The following KCND2 variants were observed in gnomAD, a reference collection of about 807,000 sequenced individuals.
KCND2 encodes the protein potassium voltage-gated channel subfamily D member 2, also known as A-type voltage-gated potassium channel KCND2.
Under a neutral mutation model 54.4 loss-of-function variants are expected in KCND2, and 16 were observed. That is an observed-to-expected ratio of 0.29 (90% CI 0.20 to 0.45). KCND2 has a LOEUF of 0.45. KCND2 is among the 20% of genes least tolerant of loss of function. The pLI, the probability that KCND2 is intolerant of heterozygous loss-of-function variation, is 1.00. For synonymous variants in KCND2, 317 were observed against 310.7 expected (o/e 1.02, Z -0.21); for missense variants, 486 against 824.2 (o/e 0.59, Z 5.02).
At chr7:120,738,380 C>T (rs1732637794) in intron 2 of KCND2, among the ~76,000 whole-genome samples, 3 of 151,948 alleles carry the variant, frequency 2.0e-5, no homozygotes, top group Admixed American at 2.0e-4. Context: ...TTGAGAAATC[C>T]TGCTAAGATT....
intron 1 of KCND2, among the ~76,000 whole-genome samples, chr7:120,525,780 T>G (rs1426344779): frequency 6.6e-6 from 1 of 152,222 alleles, no homozygotes; most frequent in Non-Finnish European, 1.5e-5. Flanking sequence ...AAACCTGTAA[T>G]AAATGCCCAG....
At chr7:120,489,563 T>G (rs1174145068) in intron 1 of KCND2, among the ~76,000 whole-genome samples, 2 of 152,182 alleles carry the variant, frequency 1.3e-5, no homozygotes, top group African/African-American at 4.8e-5. Context: ...ATCCTCCAAC[T>G]TGCTGACACA....
At chr7:120,581,390 A>G (rs1301857865) in intron 1 of KCND2, among the ~76,000 whole-genome samples, 1 of 152,232 alleles carries the variant, frequency 6.6e-6, no homozygotes, top group Non-Finnish European at 1.5e-5. Flanking sequence ...TAGTATGTGT[A>G]AGTGTATGCA....
At chr7:120,659,087 C>T (rs958268553) in intron 1 of KCND2, among the ~76,000 whole-genome samples, 1 of 152,030 alleles carries the variant, frequency 6.6e-6, no homozygotes, top group Non-Finnish European at 1.5e-5. Flanking sequence ...ACAAGAAAGT[C>T]CTGGGTGCCT....
At chr7:120,385,103 C>T (rs192329759) in intron 1 of KCND2, among the ~76,000 whole-genome samples, 91 of 141,870 alleles carry the variant, frequency 6.4e-4, no homozygotes, top group African/African-American at 2.1e-3. Flanking sequence ...GCCTCTCAGA[C>T]GCAAGCAATC....
intron 1 of KCND2, among the ~76,000 whole-genome samples, chr7:120,290,116 T>C (rs960426022): frequency 2.6e-5 from 4 of 152,080 alleles, no homozygotes; most frequent in African/African-American, 7.2e-5. Context: ...CCCCCACAGA[T>C]TTTTTAACAA....
At chr7:120,621,062 T>C (rs1383035665) in intron 1 of KCND2, among the ~76,000 whole-genome samples, 3 of 151,736 alleles carry the variant, frequency 2.0e-5, no homozygotes, top group Non-Finnish European at 4.4e-5. Flanking sequence ...ATCACGAGTT[T>C]AGGAGTTCGA....
chr7:120,365,003 T>TAAA (rs1278879175), intron 1 of KCND2, among the ~76,000 whole-genome samples: 1 of 152,022 alleles, frequency 6.6e-6, no homozygotes, highest in African/African-American at 2.4e-5. Context: ...AGAAAAATGT[T>TAAA]AAAATACAAA....
At chr7:120,541,800 C>G (rs1791983055) in intron 1 of KCND2, among the ~76,000 whole-genome samples, 1 of 152,118 alleles carries the variant, frequency 6.6e-6, no homozygotes, top group Non-Finnish European at 1.5e-5. Context: ...TGTCACTAAT[C>G]ATCAACTTGT....
At chr7:120,368,796 C>A (rs1430384525) in intron 1 of KCND2, among the ~76,000 whole-genome samples, 1 of 151,982 alleles carries the variant, frequency 6.6e-6, no homozygotes, top group Admixed American at 6.6e-5. Context: ...GTGAAGAAGA[C>A]TGTAATAAAG....
At chr7:120,556,032 G>A (rs1792158826) in intron 1 of KCND2, among the ~76,000 whole-genome samples, 1 of 152,130 alleles carries the variant, frequency 6.6e-6, no homozygotes, top group Non-Finnish European at 1.5e-5. Context: ...AGTAATTCTT[G>A]AATCAAACGT....
chr7:120,291,196 T>A (rs1242034886), intron 1 of KCND2, among the ~76,000 whole-genome samples: 1 of 151,876 alleles, frequency 6.6e-6, no homozygotes, highest in Non-Finnish European at 1.5e-5. Context: ...AATGAAAAAA[T>A]TATCTTTATG....
intron 1 of KCND2, among the ~76,000 whole-genome samples, chr7:120,372,586 T>C (rs1381875925): frequency 6.6e-6 from 1 of 151,934 alleles, no homozygotes; most frequent in Non-Finnish European, 1.5e-5. Flanking sequence ...AACTTTGTAT[T>C]GTATTGTAAT....
At chr7:120,364,291 A>G (rs1361342919) in intron 1 of KCND2, among the ~76,000 whole-genome samples, 1 of 152,152 alleles carries the variant, frequency 6.6e-6, no homozygotes, top group African/African-American at 2.4e-5. Context: ...CAACCATACT[A>G]TCCTAAGTGC....
At chr7:120,461,729 G>A (rs1246388524) in intron 1 of KCND2, among the ~76,000 whole-genome samples, 1 of 151,962 alleles carries the variant, frequency 6.6e-6, no homozygotes, top group East Asian at 1.9e-4. Flanking sequence ...TTGCAATGTA[G>A]AATGCTATTT....
rs143161518 is a variant in KCND2, at chr7:120,716,041, G to A, written c.1116-16862G>A. Among the ~76,000 whole-genome samples the A allele has an allele frequency of 4.4e-3, 665 of 152,054 alleles. 5 individuals are homozygous for A. Among genetic ancestry groups the A allele is most frequent in the African/African-American group, 0.015 (638 of 41,504 alleles). Reference sequence around the variant, plus strand: ...AGTTTTTACTTTTTTACTCGGTAAGGCTAAGCCAAATTCCACTTAAGATTA... The same window carrying A: ...AGTTTTTACTTTTTTACTCGGTAAGACTAAGCCAAATTCCACTTAAGATTA... On this transcript the variant is annotated intron_variant, in intron 1 of 5. Transcript: ENST00000331113.
At chr7:120,590,177 C>G (rs1013974869) in intron 1 of KCND2, among the ~76,000 whole-genome samples, 1 of 152,044 alleles carries the variant, frequency 6.6e-6, no homozygotes, top group African/African-American at 2.4e-5. Flanking sequence ...TGCCACCATG[C>G]CTGCCTAATT....
At chr7:120,430,942 AT>A (rs1305065444) in intron 1 of KCND2, among the ~76,000 whole-genome samples, 1 of 152,202 alleles carries the variant, frequency 6.6e-6, no homozygotes, top group Non-Finnish European at 1.5e-5. Flanking sequence ...GAGTTAATAA[AT>A]TTCTGTACAA....
intron 1 of KCND2, among the ~76,000 whole-genome samples, chr7:120,340,006 C>T (rs993614251): frequency 2.0e-5 from 3 of 152,188 alleles, no homozygotes; most frequent in South Asian, 2.1e-4. Context: ...GCCATTAGGT[C>T]AGAAAGGGAG....
Sources: gnomAD v4.1 joint callset for allele counts (sites outside exome capture counted in the v4.1 genomes callset) on GRCh38, gnomAD v4.1.1 for gene constraint, MANE v1.5 for transcripts, NCBI Gene and HGNC (gene_info 2026-07-23, HGNC 2026-07-21) for gene names.